Variants in LRP1B observed in about 807,000 individuals in gnomAD.
The protein encoded by LRP1B is low-density lipoprotein receptor-related protein 1B.
In LRP1B, 217 loss-of-function variants were observed where a neutral mutation model predicts 556.6. That is an observed-to-expected ratio of 0.39 (90% confidence interval 0.35 to 0.44). LRP1B has a LOEUF of 0.44. Among genes scored for constraint, LRP1B ranks in the 20% least tolerant of loss-of-function variants. The pLI is 1.00. For missense variants in LRP1B, 5,053 were observed against 5,620.8 expected, an observed-to-expected ratio of 0.90 and a Z score of 3.23; for synonymous variants, 2,047 against 1,865.8, an observed-to-expected ratio of 1.10 and a Z score of -2.50.
Position 141,131,786 on chromosome 2 carries a change from A to G in LRP1B, c.1013+56635T>C, listed in dbSNP as rs74547597. Among the ~76,000 whole-genome samples, 558 of 152,104 alleles carry G rather than the reference A, an allele frequency of 3.7e-3. 5 individuals carry two copies. Among genetic ancestry groups the G allele is most frequent in the African/African-American group, 0.013 (541 of 41,524 alleles). On this transcript the variant is annotated intron_variant, in intron 7 of 90. Coordinates refer to ENST00000389484, the MANE Select transcript of LRP1B (RefSeq NM_018557.3). ...TTTAAAAAGTCTTTGATAGTGTACT[A>G]TGGTAACATGAATATTATGAATTCT... is the stretch of plus-strand genomic sequence containing the variant.
At chr2:141,131,950 G>T (rs74460528) in intron 7 of LRP1B, among the ~76,000 whole-genome samples, 3,005 of 151,782 alleles carry the variant, frequency 0.02, 46 homozygotes, top group African/African-American at 0.045. Context: ...AGCAGTATAC[G>T]TTGAACCCAA....
Position 141,224,028 on chromosome 2 carries a change from C to T in LRP1B, c.850+5155G>A, listed in dbSNP as rs905292073. Among the ~76,000 whole-genome samples, 4 of 152,014 alleles carry T rather than the reference C, an allele frequency of 2.6e-5. No individual in the cohort carries two copies. The South Asian group carries it at 6.2e-4, about 24-fold the overall frequency. On this transcript the variant is annotated intron_variant, in intron 6 of 90. Transcript: ENST00000389484. ...CAATTGCAACAAAAGCAAAAATTGA[C>T]GAATGAGATCTAATTAAACTAAAGA...
intron 8 of LRP1B, among the ~76,000 whole-genome samples, chr2:141,060,321 C>T (rs1041479877): frequency 2.6e-5 from 4 of 151,486 alleles, no homozygotes; most frequent in Non-Finnish European, 4.4e-5. Flanking sequence ...TGTTATAGCC[C>T]GAATAGTTTT....
At chr2:141,275,046 A>T (rs1440076088) in intron 3 of LRP1B, among the ~76,000 whole-genome samples, 3 of 152,178 alleles carry the variant, frequency 2.0e-5, no homozygotes, top group Non-Finnish European at 4.4e-5. Context: ...ATGATCCAGA[A>T]GACAGAAGAG....
chr2:141,243,169 C>A (rs1683944079), intron 5 of LRP1B, among the ~76,000 whole-genome samples: 1 of 143,704 alleles, frequency 7.0e-6, no homozygotes, highest in South Asian at 2.2e-4. Flanking sequence ...ATGACAAGTT[C>A]TAACATTTAA....
chr2:140,322,106 A>C lies in LRP1B; in HGVS notation c.12515-18T>G. 1 of 1,607,420 alleles carries C rather than the reference A, an allele frequency of 6.2e-7. No individual in the cohort carries two copies. The highest frequency in any genetic ancestry group is 8.5e-7 in the Non-Finnish European group (1 of 1,177,312). On this transcript the variant is annotated intron_variant, in intron 81 of 90. Transcript: ENST00000389484. ...ATTGGGTACTGGTGAAACAAAAGAA[A>C]ACAAAGAAGTGTGTAAATATAGATA... is the stretch of plus-strand genomic sequence containing the variant.
rs182916515 is a variant in LRP1B at position 141,994,786 on chromosome 2, C to A, written c.82+135862G>T. On this transcript the variant is annotated intron_variant, in intron 1 of 90. Transcript: ENST00000389484. ...TATCTATCTCTTCTATAGTTCTGTC[C>A]ACCTTACATTTTAGACCTTCTTATC... 2.0e-4 allele frequency among the ~76,000 whole-genome samples: 30 copies of A among 152,148 alleles called. 1 individual carries two copies. The East Asian group carries it at 3.9e-3, about 20-fold the overall frequency.
chr2:140,497,959 G>A lies in LRP1B; in HGVS notation c.8851-2211C>T, dbSNP rs775842179. Reference sequence around the variant, plus strand: ...TTGTTTGAAATAACATGTGTAAAAAGAAAATGTATTTCTCAATCTGTTAAT... The same window carrying A: ...TTGTTTGAAATAACATGTGTAAAAAAAAAATGTATTTCTCAATCTGTTAAT... On this transcript the variant is annotated intron_variant, in intron 55 of 90. Coordinates refer to ENST00000389484, the MANE Select transcript of LRP1B (RefSeq NM_018557.3). Among the ~76,000 whole-genome samples the A allele has an allele frequency of 3.5e-4, 53 of 151,786 alleles. 1 individual carries two copies. The Middle Eastern group carries it at 0.011, about 30-fold the overall frequency.
At chr2:141,114,109 G>A (rs1020529591) in intron 7 of LRP1B, among the ~76,000 whole-genome samples, 4 of 152,176 alleles carry the variant, frequency 2.6e-5, no homozygotes, top group African/African-American at 4.8e-5. Flanking sequence ...GGTGTGGCTC[G>A]TTTGCTCGGC....
intron 1 of LRP1B, among the ~76,000 whole-genome samples, chr2:141,940,313 A>G (rs1700759310): frequency 6.6e-6 from 1 of 152,168 alleles, no homozygotes; most frequent in East Asian, 1.9e-4. Context: ...ATATTTTATT[A>G]AAAAAGAAAT....
intron 2 of LRP1B, among the ~76,000 whole-genome samples, chr2:141,697,341 G>A (rs968326412): frequency 2.8e-4 from 43 of 152,010 alleles, no homozygotes; most frequent in African/African-American, 9.9e-4. Flanking sequence ...GTAAGTCACC[G>A]AATCAGTACA....
intron 2 of LRP1B, among the ~76,000 whole-genome samples, chr2:141,671,618 C>T (rs34988998): frequency 0.08 from 12,131 of 152,170 alleles, 613 homozygotes; most frequent in South Asian, 0.15. Context: ...TAATTAACAT[C>T]AACATACCAT....
chr2:140,275,554 T>TA (rs1682635730), intron 84 of LRP1B, among the ~76,000 whole-genome samples: 1 of 151,938 alleles, frequency 6.6e-6, no homozygotes, highest in South Asian at 2.1e-4. Flanking sequence ...AGCTTCCCTG[T>TA]ACACGTAGCA....
Position 142,042,906 on chromosome 2 carries a change from T to A in LRP1B, c.82+87742A>T, listed in dbSNP as rs1012222688. On this transcript the variant is annotated intron_variant, in intron 1 of 90. Transcript: ENST00000389484. ...TTGAAAAATACCTTCATTCCAGGAT[T>A]TCTCATTGATTTCTCTATGAATTGT... is the stretch of plus-strand genomic sequence containing the variant. 2.6e-5 allele frequency among the ~76,000 whole-genome samples: 4 copies of A among 151,664 alleles called. No individual in the cohort carries two copies. In the South Asian group the frequency reaches 6.2e-4, roughly 24 times the overall value.
intron 20 of LRP1B, among the ~76,000 whole-genome samples, chr2:140,940,696 T>C (rs1378159212): frequency 1.3e-5 from 2 of 152,160 alleles, no homozygotes; most frequent in Non-Finnish European, 2.9e-5. Flanking sequence ...ATTGATTCCA[T>C]GTCTTGCTAT....
At chr2:140,799,997 C>T (rs911590620) in intron 32 of LRP1B, among the ~76,000 whole-genome samples, 2 of 152,022 alleles carry the variant, frequency 1.3e-5, no homozygotes, top group East Asian at 3.9e-4. Context: ...CAGGGAATTC[C>T]CAAATGTCCA....
At chr2:141,322,347 A>C (rs1182128688) in intron 3 of LRP1B, among the ~76,000 whole-genome samples, 1 of 152,064 alleles carries the variant, frequency 6.6e-6, no homozygotes, top group Non-Finnish European at 1.5e-5. Context: ...TTTTAATATA[A>C]GAGGAGCAAT....
At chr2:140,605,365 G>C (rs1256108509) in intron 41 of LRP1B, among the ~76,000 whole-genome samples, 1 of 152,056 alleles carries the variant, frequency 6.6e-6, no homozygotes. Flanking sequence ...CAAGGATACA[G>C]GTCCAATTCA....
intron 3 of LRP1B, among the ~76,000 whole-genome samples, chr2:141,465,663 C>G (rs1015657668): frequency 6.6e-5 from 10 of 151,820 alleles, no homozygotes; most frequent in African/African-American, 2.4e-4. Flanking sequence ...CATCCTCCCA[C>G]CTCAGCCCCC....
Sources: gnomAD v4.1 joint callset for allele counts (sites outside exome capture counted in the v4.1 genomes callset) on GRCh38, gnomAD v4.1.1 for gene constraint, MANE v1.5 for transcripts, NCBI Gene and HGNC (gene_info 2026-07-23, HGNC 2026-07-21) for gene names.